Variants in ABI3BP observed in about 807,000 individuals in gnomAD.
ABI3BP encodes the protein ABI family member 3 binding protein.
A neutral mutation model predicts 268.6 loss-of-function variants in ABI3BP; 216 were observed. The observed-to-expected ratio is 0.80, with a 90% confidence interval of 0.72 to 0.90. The LOEUF (loss-of-function observed/expected upper bound fraction) is 0.90, where lower values mean the gene tolerates loss of function less well. Ranked by LOEUF, ABI3BP falls within the 40% of genes least tolerant of loss-of-function variation. ABI3BP has a pLI of 0.00. For synonymous variants in ABI3BP, 730 were observed against 730.0 expected, an observed-to-expected ratio of 1.00 and a Z score of 0.00; for missense variants, 2,090 against 2,182.4, an observed-to-expected ratio of 0.96 and a Z score of 0.84.
intron 40 of ABI3BP, among the ~76,000 whole-genome samples, chr3:100,819,618 C>T (rs2098146633): frequency 6.6e-6 from 1 of 151,974 alleles, no homozygotes; most frequent in Non-Finnish European, 1.5e-5. Flanking sequence ...CTATTTAATG[C>T]ATTTTTGTAT....
At chr3:100,961,857 A>C (rs180958891) in intron 1 of ABI3BP, among the ~76,000 whole-genome samples, 1 of 152,162 alleles carries the variant, frequency 6.6e-6, no homozygotes, top group Non-Finnish European at 1.5e-5. Flanking sequence ...AGCCTCTTCC[A>C]TGGTACATAA....
chr3:100,840,823 ATGT>A lies in ABI3BP; in HGVS notation c.1798_1800del (p.Thr600del), dbSNP rs776409280. On this transcript the variant is annotated inframe_deletion, in exon 22 of 68. Coordinates refer to ENST00000471714, the MANE Select transcript of ABI3BP (RefSeq NM_001375547.2). ...CACCCACTCAATACTCTATTACCTAATGTTGTTGAAGGTTTGGTTCCTGGTGTT... is the reference window on the plus strand; with the variant it reads ...CACCCACTCAATACTCTATTACCTAATGTTGAAGGTTTGGTTCCTGGTGTT... 4.2e-5 allele frequency: 65 copies of A among 1,535,070 alleles called. 1 individual carries two copies. In the South Asian group the frequency reaches 7.5e-4, roughly 18 times the overall value.
intron 21 of ABI3BP, 47 bp from the exon 22 acceptor site, chr3:100,840,905 A>G: frequency 7.0e-7 from 1 of 1,437,402 alleles, no homozygotes; most frequent in Non-Finnish European, 9.4e-7. Flanking sequence ...AGATCAAAGG[A>G]AAAATGACAT....
chr3:100,780,066 G>T, intron 58 of ABI3BP, 66 bp downstream of exon 58: 1 of 1,498,726 alleles, frequency 6.7e-7, no homozygotes, highest in South Asian at 1.1e-5. Context: ...CACCAGGAAT[G>T]ATACTGCAGT....
At chr3:100,827,308 G>C (rs1475088154) in intron 34 of ABI3BP, among the ~76,000 whole-genome samples, 1 of 152,080 alleles carries the variant, frequency 6.6e-6, no homozygotes, top group African/African-American at 2.4e-5. Flanking sequence ...CTTCTAAACT[G>C]ACTCCTTGTC....
chr3:100,852,996 A>T (rs1226657067), intron 14 of ABI3BP, among the ~76,000 whole-genome samples: 4 of 152,216 alleles, frequency 2.6e-5, no homozygotes, highest in African/African-American at 4.8e-5. Flanking sequence ...GCAGCACAGA[A>T]ATCAAGAAGA....
chr3:100,751,808 T>C, intron 66 of ABI3BP, 134 bp from the exon 67 acceptor site: 1 of 863,586 alleles, frequency 1.2e-6, no homozygotes, highest in Non-Finnish European at 1.6e-6. Context: ...ACAATGTTTC[T>C]TGCCTACCTG....
intron 65 of ABI3BP, 73 bp downstream of exon 65, chr3:100,753,746 A>C: frequency 6.5e-7 from 1 of 1,534,818 alleles, no homozygotes; most frequent in South Asian, 1.2e-5. Flanking sequence ...CATGATTCAG[A>C]TTCTGCCATG....
intron 15 of ABI3BP, 100 bp downstream of exon 15, chr3:100,851,775 T>C: frequency 1.0e-6 from 1 of 984,346 alleles, no homozygotes; most frequent in Non-Finnish European, 1.5e-6. Flanking sequence ...CATGCAGAGC[T>C]CCAGAGGATA....
chr3:100,886,153 G>A lies in ABI3BP; in HGVS notation c.632C>T (p.Thr211Ile). The change falls in exon 5 of 68, where the codon ACT (threonine) becomes ATT (isoleucine). Residue 211 changes from threonine to isoleucine, a missense_variant. Physicochemically the swap from Thr to Ile is moderately conservative, Grantham distance 89. Coordinates refer to ENST00000471714, the MANE Select transcript of ABI3BP (RefSeq NM_001375547.2). ...GIWSKIFNHKTVVGSKKVNGK... is the reference protein window; with the variant it reads ...GIWSKIFNHKIVVGSKKVNGK... ...TTCTAGGTACTTACTTCCAACAACA[G>A]TCTTGTGATTGAAAATCTTACTCCA... 6.3e-7 allele frequency: 1 copy of A among 1,595,466 alleles called. No individual in the cohort carries two copies. Among genetic ancestry groups the A allele is most frequent in the Non-Finnish European group, 8.5e-7 (1 of 1,171,920 alleles).
rs1349564090 is a variant in ABI3BP at position 100,749,621 on chromosome 3, T to C, written c.*874A>G. 4 of 398,282 alleles carry C rather than the reference T, an allele frequency of 1.0e-5. No homozygotes were observed. In the East Asian group the frequency reaches 1.4e-4, roughly 14 times the overall value. 24.7% of individuals were successfully genotyped at this position (398,282 alleles called of 1,614,324 possible). A position where few individuals can be genotyped will look rare whatever the true frequency, so the allele number is the denominator to read the frequency against. On this transcript the variant is annotated 3_prime_UTR_variant, in exon 68 of 68. Transcript: ENST00000471714. The stretch of plus-strand genomic sequence containing the variant: ...ATAGAGGTCTTAACGTATAAATACA[T>C]AGTAAATATCCTATAAAATGGTAGG...
Position 100,898,629 on chromosome 3 carries a change from C to T in ABI3BP, c.461+133G>A, listed in dbSNP as rs2048766217. The stretch of plus-strand genomic sequence containing the variant: ...AGATAACCTTCTCAAGGGCAGGGCC[C>T]CTGACTTTGTTCCCCTCACACCTAG... On this transcript the variant is annotated intron_variant, in intron 4 of 67. Transcript: ENST00000471714. The T allele has an allele frequency of 7.8e-6, 8 of 1,019,210 alleles. No homozygotes were observed. The South Asian group carries it at 8.3e-5, about 11-fold the overall frequency. The allele number at this position is 1,019,210 out of a possible 1,614,324, so 63.1% of individuals were successfully genotyped here.
At chr3:100,802,428 A>G (rs545881583) in intron 51 of ABI3BP, among the ~76,000 whole-genome samples, 14 of 152,326 alleles carry the variant, frequency 9.2e-5, no homozygotes, top group South Asian at 2.1e-4. Flanking sequence ...TTAGACTCCA[A>G]GTTAAATATT....
chr3:100,901,432 GC>G (rs34015347), intron 3 of ABI3BP, among the ~76,000 whole-genome samples: 17,315 of 152,124 alleles, frequency 0.11, 1,162 homozygotes, highest in Non-Finnish European at 0.15. Context: ...AGATGAACAT[GC>G]TTTGGCAATA....
chr3:100,828,417 T>C lies in ABI3BP; in HGVS notation c.2578A>G (p.Lys860Glu). ...ATIFEPVSPI[K>E]EAPGTTFVPV... is the part of the protein sequence containing the mutation. Reference sequence around the variant, plus strand: ...CCGAATGTTGTCCCTGGAGCCTCTTTTATAGGAGAAACTGGTTCAAAGATT... The same window carrying C: ...CCGAATGTTGTCCCTGGAGCCTCTTCTATAGGAGAAACTGGTTCAAAGATT... Residue 860 changes from lysine (K) to glutamate (E), a missense_variant, in exon 34 of 68, where the codon AAA (lysine) becomes GAA (glutamate). By Grantham distance (56) the Lys-to-Glu change is moderately conservative (BLOSUM62 1). Transcript: ENST00000471714. The C allele has an allele frequency of 3.9e-6, 6 of 1,535,410 alleles. 1 individual carries two copies. The South Asian group carries it at 7.1e-5, about 18-fold the overall frequency.
At chr3:100,843,929 G>A (rs1183049199) in intron 20 of ABI3BP, 23 of 985,098 alleles carry the variant, frequency 2.3e-5, no homozygotes, top group Non-Finnish European at 2.8e-5. Context: ...AAATTATAAG[G>A]AAAAATCTGC....
chr3:100,760,389 A>G (rs1236420495), intron 63 of ABI3BP, among the ~76,000 whole-genome samples: 1 of 152,152 alleles, frequency 6.6e-6, no homozygotes, highest in Non-Finnish European at 1.5e-5. Context: ...GTGTTCATCC[A>G]TTTGCCCAGC....
chr3:100,908,977 T>C (rs1434827571), intron 2 of ABI3BP, among the ~76,000 whole-genome samples: 1 of 152,106 alleles, frequency 6.6e-6, no homozygotes, highest in African/African-American at 2.4e-5. Flanking sequence ...ATAACAAAAC[T>C]GGAGGCATCA....
chr3:100,886,453 T>G lies in ABI3BP; in HGVS notation c.462-130A>C, dbSNP rs999007685. The G allele has an allele frequency of 4.7e-5, 29 of 618,894 alleles. No individual in the cohort carries two copies. In the African/African-American group the frequency reaches 5.0e-4, roughly 11 times the overall value. The allele number at this position is 618,894 out of a possible 1,614,324, so 38.3% of individuals were successfully genotyped here. A position where few individuals can be genotyped will look rare whatever the true frequency, so the allele number is the denominator to read the frequency against. ...TTAATATTGGCTTCTCTTCCGATTT[T>G]TAAAAAATTTGCAGAGAACATGAAA... On this transcript the variant is annotated intron_variant, in intron 4 of 67. Transcript: ENST00000471714.
Sources: allele counts gnomAD v4.1 joint callset (sites outside exome capture counted in the v4.1 genomes callset), GRCh38; gene constraint gnomAD v4.1.1; transcripts MANE v1.5; gene names NCBI Gene and HGNC (gene_info 2026-07-23, HGNC 2026-07-21).